The following IMMP2L variants were observed in gnomAD, a reference collection of about 807,000 sequenced individuals.
IMMP2L encodes the protein inner mitochondrial membrane peptidase subunit 2, also known as mitochondrial inner membrane protease subunit 2.
Under a neutral mutation model 19.3 loss-of-function variants are expected in IMMP2L, and 18 were observed. The ratio of observed to expected loss-of-function variants is 0.93; its 90% CI spans 0.64 to 1.38. The LOEUF (loss-of-function observed/expected upper bound fraction) is 1.38, where lower values mean the gene tolerates loss of function less well. IMMP2L is among the 40% of genes most tolerant of loss of function. The pLI, the probability that IMMP2L is intolerant of heterozygous loss-of-function variation, is 0.00. For missense variants in IMMP2L, 233 were observed against 218.2 expected, an observed-to-expected ratio of 1.07 and a Z score of -0.43; for synonymous variants, 76 against 73.0, an observed-to-expected ratio of 1.04 and a Z score of -0.21.
chr7:111,381,089 C>T (rs773132363), intron 3 of IMMP2L, among the ~76,000 whole-genome samples: 7 of 152,062 alleles, frequency 4.6e-5, no homozygotes, highest in African/African-American at 1.2e-4. Flanking sequence ...TGAAACACCA[C>T]GCGAACTGTT....
chr7:111,501,347 T>C lies in IMMP2L; in HGVS notation c.136-14006A>G, dbSNP rs1844229294. Among the ~76,000 whole-genome samples the C allele has an allele frequency of 1.3e-5, 2 of 152,256 alleles. 1 individual carries two copies. The highest frequency in any genetic ancestry group is 3.9e-4 in the East Asian group (2 of 5,192). ...GTGAAAAGACCAAATCTACGTCTGA[T>C]TGGTGTACCTGAAAGTGACGGGGAG... On this transcript the variant is annotated intron_variant, in intron 2 of 5. Coordinates refer to ENST00000405709, the MANE Select transcript of IMMP2L (RefSeq NM_032549.4).
chr7:110,827,637 T>C (rs1803620743), intron 5 of IMMP2L, among the ~76,000 whole-genome samples: 2 of 152,084 alleles, frequency 1.3e-5, no homozygotes, highest in Admixed American at 1.3e-4. Flanking sequence ...GAAGAGAGGG[T>C]GATTAATTCT....
intron 3 of IMMP2L, among the ~76,000 whole-genome samples, chr7:111,407,747 T>C (rs989145378): frequency 2.6e-5 from 4 of 152,060 alleles, no homozygotes; most frequent in Non-Finnish European, 5.9e-5. Flanking sequence ...TACAACCCTA[T>C]ACATTCACTA....
At chr7:111,431,325 T>C (rs914486780) in intron 3 of IMMP2L, among the ~76,000 whole-genome samples, 1 of 152,036 alleles carries the variant, frequency 6.6e-6, no homozygotes, top group East Asian at 1.9e-4. Context: ...AGTATTTCAC[T>C]AGTCAGTGTA....
At chr7:111,229,088 C>G (rs1255097796) in intron 3 of IMMP2L, among the ~76,000 whole-genome samples, 1 of 151,612 alleles carries the variant, frequency 6.6e-6, no homozygotes, top group East Asian at 1.9e-4. Context: ...TACATACCAA[C>G]AATTTACCAA....
At chr7:110,963,224 C>A (rs1819155475) in intron 4 of IMMP2L, 2 of 669,584 alleles carry the variant, frequency 3.0e-6, no homozygotes, top group Non-Finnish European at 4.8e-6. Context: ...AATATCTGAT[C>A]AATAATGATT....
intron 3 of IMMP2L, among the ~76,000 whole-genome samples, chr7:111,115,374 A>G (rs1359017864): frequency 6.6e-6 from 1 of 152,202 alleles, no homozygotes; most frequent in Non-Finnish European, 1.5e-5. Context: ...TGAAGTGCTC[A>G]GTTGAGCAAA....
intron 1 of IMMP2L, among the ~76,000 whole-genome samples, chr7:111,534,402 A>C (rs1182127378): frequency 1.3e-5 from 2 of 152,072 alleles, no homozygotes; most frequent in Non-Finnish European, 2.9e-5. Context: ...ATATGAACCC[A>C]TTTATGTGAA....
At chr7:111,030,928 A>AT (rs1790745025) in intron 3 of IMMP2L, among the ~76,000 whole-genome samples, 1 of 131,976 alleles carries the variant, frequency 7.6e-6, no homozygotes, top group African/African-American at 2.7e-5. Flanking sequence ...ATATATATAA[A>AT]ATATATATAC....
At chr7:111,046,700 T>C (rs1002184235) in intron 3 of IMMP2L, among the ~76,000 whole-genome samples, 1 of 152,208 alleles carries the variant, frequency 6.6e-6, no homozygotes, top group African/African-American at 2.4e-5. Flanking sequence ...ATTCAAGGTC[T>C]ATTTTATCTT....
chr7:110,930,634 A>C (rs927508164), intron 4 of IMMP2L, among the ~76,000 whole-genome samples: 6 of 152,208 alleles, frequency 3.9e-5, no homozygotes, highest in African/African-American at 1.2e-4. Flanking sequence ...ATAAAACCCA[A>C]ACTACTTAAT....
rs1404436656 is a variant in IMMP2L, at chr7:110,675,805, A to G, written c.409-12084T>C. ...GTGTGACCATGCAATCTATTACCCA[A>G]ATTAGGACACTTAAGAGTGAAGGGG... On this transcript the variant is annotated intron_variant, in intron 5 of 5. Coordinates refer to ENST00000405709, the MANE Select transcript of IMMP2L (RefSeq NM_032549.4). Among the ~76,000 whole-genome samples, 3 of 152,180 alleles carry G rather than the reference A, an allele frequency of 2.0e-5. No homozygotes were observed. The East Asian group carries it at 5.8e-4, about 29-fold the overall frequency.
At chr7:110,852,604 G>C (rs1345622650) in intron 5 of IMMP2L, among the ~76,000 whole-genome samples, 1 of 152,046 alleles carries the variant, frequency 6.6e-6, no homozygotes, top group African/African-American at 2.4e-5. Context: ...GAGGAGGACA[G>C]GTTTTTATCT....
At chr7:111,124,212 A>C in intron 3 of IMMP2L, 1 of 1,613,986 alleles carries the variant, frequency 6.2e-7, no homozygotes, top group Non-Finnish European at 8.5e-7. Context: ...CTGAGGGAAC[A>C]CTAGATATAA....
intron 3 of IMMP2L, among the ~76,000 whole-genome samples, chr7:111,228,048 T>C: frequency 6.6e-6 from 1 of 152,104 alleles, no homozygotes; most frequent in East Asian, 1.9e-4. Flanking sequence ...GCCACAGAAA[T>C]CTATCAGAAA....
At chr7:110,699,070 T>C (rs1287522556) in intron 5 of IMMP2L, among the ~76,000 whole-genome samples, 1 of 152,156 alleles carries the variant, frequency 6.6e-6, no homozygotes, top group Non-Finnish European at 1.5e-5. Flanking sequence ...GTGGCCTTAA[T>C]TTCATCTGAT....
At chr7:111,397,488 A>G (rs1170811007) in intron 3 of IMMP2L, among the ~76,000 whole-genome samples, 1 of 152,164 alleles carries the variant, frequency 6.6e-6, no homozygotes, top group Non-Finnish European at 1.5e-5. Flanking sequence ...TACCAAGTAA[A>G]GACATGTAAA....
At chr7:111,388,130 A>C (rs1221054688) in intron 3 of IMMP2L, among the ~76,000 whole-genome samples, 1 of 152,078 alleles carries the variant, frequency 6.6e-6, no homozygotes, top group African/African-American at 2.4e-5. Context: ...AAATAATAAA[A>C]GTGCTAGGAA....
intron 3 of IMMP2L, among the ~76,000 whole-genome samples, chr7:111,102,616 T>C (rs1374051248): frequency 6.6e-6 from 1 of 151,618 alleles, no homozygotes; most frequent in Non-Finnish European, 1.5e-5. Flanking sequence ...AGAGAAAAAT[T>C]ACTAAATGGA....
Sources: allele counts gnomAD v4.1 joint callset (sites outside exome capture counted in the v4.1 genomes callset), GRCh38; gene constraint gnomAD v4.1.1; transcripts MANE v1.5; gene names NCBI Gene and HGNC (gene_info 2026-07-23, HGNC 2026-07-21).